SCNN1D: variants seen among roughly 807,000 people sequenced by gnomAD.
SCNN1D encodes epithelial sodium channel subunit delta.
Under a neutral mutation model 87.8 loss-of-function variants are expected in SCNN1D, and 104 were observed. The observed-to-expected ratio is 1.18, with a 90% CI of 1.01 to 1.39. The LOEUF is 1.39. Ranked by LOEUF, SCNN1D falls within the 40% of genes most tolerant of loss-of-function variation. SCNN1D has a pLI of 0.00. For missense variants in SCNN1D, 1,324 were observed against 1,093.9 expected (o/e 1.21, Z -2.97); for synonymous variants, 628 against 481.2 (o/e 1.31, Z -3.99).
At position 1,285,555 on chromosome 1, in the gene SCNN1D, A is replaced by T; in HGVS notation, c.465-16A>T. On this transcript the variant is annotated splice_polypyrimidine_tract_variant and intron_variant, in intron 5 of 17. Transcript: ENST00000379116. ...GCGGGGCGCATGGACACGCTACCGT[A>T]CTTGCCTTTGGGTAGATCGCCTGGG... 1 of 1,499,762 alleles carries T rather than the reference A, an allele frequency of 6.7e-7. No individual in the cohort carries two copies. The highest frequency in any genetic ancestry group is 8.9e-7 in the Non-Finnish European group (1 of 1,120,302). The allele number at this position is 1,499,762 out of a possible 1,614,324, so 92.9% of individuals were successfully genotyped here.
chr1:1,281,817 C>T (rs1244558033), intron 3 of SCNN1D: 13 of 602,224 alleles, frequency 2.2e-5, no homozygotes, highest in East Asian at 8.4e-5. Context: ...TTGGCTGGAC[C>T]GGGCCCCACT....
At chr1:1,285,510 C>A in intron 5 of SCNN1D, 61 bp from the exon 6 acceptor site, 1 of 1,188,196 alleles carries the variant, frequency 8.4e-7, no homozygotes, top group African/African-American at 1.6e-5. Flanking sequence ...GCAAGTCTTC[C>A]CCTGAGCCCC....
chr1:1,288,045 T>G lies in SCNN1D; in HGVS notation c.1662+8T>G. 1 of 1,204,838 alleles carries G rather than the reference T, an allele frequency of 8.3e-7. No individual in the cohort carries two copies. The highest frequency in any genetic ancestry group is 1.1e-6 in the Non-Finnish European group (1 of 924,616). 74.6% of individuals were successfully genotyped at this position (1,204,838 alleles called of 1,614,324 possible). On this transcript the variant is annotated splice_region_variant and intron_variant, in intron 12 of 17. Transcript: ENST00000379116. Reference sequence around the variant, plus strand: ...ACCTCCTACACCAGGCAGGTGAGGCTGGGCTGGCAGGGGGTGCGGGGGCAG... The same window carrying G: ...ACCTCCTACACCAGGCAGGTGAGGCGGGGCTGGCAGGGGGTGCGGGGGCAG...
intron 4 of SCNN1D, 115 bp downstream of exon 4, chr1:1,282,430 CAG>C: frequency 1.6e-6 from 2 of 1,223,834 alleles, no homozygotes; most frequent in Admixed American, 2.6e-5. Flanking sequence ...GTCAGGAACA[CAG>C]AGCCTACCCT....
At chr1:1,282,568 G>T (rs954769836) in intron 4 of SCNN1D, among the ~76,000 whole-genome samples, 1 of 149,716 alleles carries the variant, frequency 6.7e-6, no homozygotes, top group South Asian at 2.1e-4. Flanking sequence ...CCACACAACC[G>T]CACTGGGGCT....
rs532140824 is a variant in SCNN1D, at chr1:1,285,834, G to A, written c.559-92G>A. On this transcript the variant is annotated intron_variant, in intron 6 of 17. Transcript: ENST00000379116. ...GTCCGAGCGACCGAGCAGGTAGGGC[G>A]GGGCACTGGTGGCTGACAGACATGA... 31 of 1,337,162 alleles carry A rather than the reference G, an allele frequency of 2.3e-5. 1 individual carries two copies. The highest frequency in any genetic ancestry group is 4.8e-5 in the East Asian group (2 of 41,612). The allele number at this position is 1,337,162 out of a possible 1,614,324, so 82.8% of individuals were successfully genotyped here.
chr1:1,286,956 TC>T lies in SCNN1D; in HGVS notation c.1101del (p.Arg368GlufsTer197), dbSNP rs765441635. 1.2e-6 allele frequency: 2 copies of T among 1,611,158 alleles called. No homozygotes were observed. The highest frequency in any genetic ancestry group is 1.7e-6 in the Non-Finnish European group (2 of 1,179,640). On this transcript the variant is annotated frameshift_variant, in exon 8 of 18. Transcript: ENST00000379116. LOFTEE classifies it high-confidence loss of function. Reference protein sequence around the residue: ...LQRLSHSGSRVRVGFRLCNST... With the variant: ...LQRLSHSGSRXRVGFRLCNST... ...AGGCTGAGCCACTCGGGCAGCCGGG[TC>T]AGAGTGGGGTTCAGACTGGTGAGTG...
Position 1,280,607 on chromosome 1 carries a change from A to C in SCNN1D, c.-55A>C. 2 of 695,492 alleles carry C rather than the reference A, an allele frequency of 2.9e-6. No individual in the cohort carries two copies. Among genetic ancestry groups the C allele is most frequent in the Admixed American group, 4.0e-5 (2 of 49,900 alleles). 43.1% of individuals were successfully genotyped at this position (695,492 alleles called of 1,614,324 possible). On this transcript the variant is annotated 5_prime_UTR_variant, in exon 1 of 18. Coordinates refer to ENST00000379116, the MANE Select transcript of SCNN1D (RefSeq NM_001130413.4). ...ATCAACTATAAATGCTTCTCATCAG[A>C]CTCAAGGCCTGAGGTGATGCTGATG... is the stretch of plus-strand genomic sequence containing the variant.
rs1640809133 is a variant in SCNN1D, at chr1:1,291,369, T to C, written c.2168T>C (p.Val723Ala). 6.2e-7 allele frequency: 1 copy of C among 1,608,854 alleles called. No homozygotes were observed. Among genetic ancestry groups the C allele is most frequent in the African/African-American group, 1.3e-5 (1 of 74,982 alleles). Residue 723 changes from valine (V) to alanine (A), a missense_variant, in exon 18 of 18, where the codon GTG becomes GCG. Transcript: ENST00000379116. ...LLLDASALTL[V>A]LGGRRLRRAW... ...CTCGATGCTTCTGCCCTCACCCTGG[T>C]GCTAGGCGGCCGCCGGCTCCGCAGG...
intron 3 of SCNN1D, chr1:1,281,822 C>A (rs1385064170): frequency 1.7e-6 from 1 of 599,060 alleles, no homozygotes; most frequent in Admixed American, 3.1e-5. Context: ...TGGACCGGGC[C>A]CCACTGGCCG....
intron 1 of SCNN1D, 91 bp from the exon 2 acceptor site, chr1:1,281,135 G>A (rs1337517533): frequency 2.5e-6 from 3 of 1,212,110 alleles, no homozygotes; most frequent in Admixed American, 2.0e-5. Context: ...GACCCTGAGT[G>A]GGGGACGCTC....
chr1:1,291,618 C>T lies in SCNN1D; in HGVS notation c.*8C>T, dbSNP rs1570616628. 1 of 1,505,142 alleles carries T rather than the reference C, an allele frequency of 6.6e-7. No individual in the cohort carries two copies. Among genetic ancestry groups the T allele is most frequent in the Non-Finnish European group, 8.9e-7 (1 of 1,122,534 alleles). The allele number at this position is 1,505,142 out of a possible 1,614,324, so 93.2% of individuals were successfully genotyped here. ...GAGACTCTGGACACCTGAACCAGACCTGCCAGGGCTGTGCGATCTCTTGGC... is the reference window on the plus strand; with the variant it reads ...GAGACTCTGGACACCTGAACCAGACTTGCCAGGGCTGTGCGATCTCTTGGC... On this transcript the variant is annotated 3_prime_UTR_variant, in exon 18 of 18. Coordinates refer to ENST00000379116, the MANE Select transcript of SCNN1D (RefSeq NM_001130413.4).
chr1:1,285,682 T>C lies in SCNN1D; in HGVS notation c.558+18T>C. Reference sequence around the variant, plus strand: ...AGGGCCAGGTAGGGCCTGAGCACCCTGTTCTCTGAGTCCTGCTGCCCCAGC... The same window carrying C: ...AGGGCCAGGTAGGGCCTGAGCACCCCGTTCTCTGAGTCCTGCTGCCCCAGC... On this transcript the variant is annotated intron_variant, in intron 6 of 17. Coordinates refer to ENST00000379116, the MANE Select transcript of SCNN1D (RefSeq NM_001130413.4). The C allele has an allele frequency of 6.6e-7, 1 of 1,514,964 alleles. No individual in the cohort carries two copies. Among genetic ancestry groups the C allele is most frequent in the Non-Finnish European group, 8.9e-7 (1 of 1,126,624 alleles). 93.8% of individuals were successfully genotyped at this position (1,514,964 alleles called of 1,614,324 possible). A position where few individuals can be genotyped will look rare whatever the true frequency, so the allele number is the denominator to read the frequency against.
chr1:1,288,645 T>TCC (rs1440790745), intron 12 of SCNN1D, among the ~76,000 whole-genome samples: 27 of 97,434 alleles, frequency 2.8e-4, no homozygotes, highest in Admixed American at 4.6e-4. Flanking sequence ...CTCTGCCCCG[T>TCC]CCCGTGTCTC....
chr1:1,283,054 C>A (rs754830865), intron 4 of SCNN1D, among the ~76,000 whole-genome samples: 1 of 152,014 alleles, frequency 6.6e-6, no homozygotes, highest in South Asian at 2.1e-4. Flanking sequence ...GCCTGGTGGT[C>A]GTGAGTCACT....
chr1:1,288,258 C>CT (rs1553160025), intron 12 of SCNN1D, among the ~76,000 whole-genome samples: 17 of 128,196 alleles, frequency 1.3e-4, no homozygotes, highest in African/African-American at 3.5e-4. Context: ...TGCTCCGTCC[C>CT]GTGTCTCTGC....
In SCNN1D at chr1:1,281,450, A is replaced by G. The variant is rs1325854571; in HGVS notation, c.117A>G (p.Thr39=). Residue 39 remains threonine (T), a synonymous_variant, in exon 3 of 18, where the codon ACA becomes ACG. Coordinates refer to ENST00000379116, the MANE Select transcript of SCNN1D (RefSeq NM_001130413.4). ...WSWCSDHRTP[T]CRELGSPHPT... ...GGTGCAGTGACCACAGGACCCCCACATGCCGGGAGCTGGGTTCGCCCCACC... is the reference window on the plus strand; with the variant it reads ...GGTGCAGTGACCACAGGACCCCCACGTGCCGGGAGCTGGGTTCGCCCCACC... The G allele has an allele frequency of 6.6e-7, 1 of 1,519,902 alleles. No homozygotes were observed. The highest frequency in any genetic ancestry group is 1.4e-5 in the African/African-American group (1 of 72,946). The allele number at this position is 1,519,902 out of a possible 1,614,324, so 94.2% of individuals were successfully genotyped here.
At chr1:1,288,341 C>T (rs867688066) in intron 12 of SCNN1D, among the ~76,000 whole-genome samples, 1,100 of 33,116 alleles carry the variant, frequency 0.033, 67 homozygotes, top group East Asian at 0.16. Flanking sequence ...GTGTCTCTGC[C>T]CCGTCCCCCG....
intron 12 of SCNN1D, 144 bp from the exon 13 acceptor site, chr1:1,290,127 C>CTCTGCTCCGTCCCGTGTCTCTGCTCCATT: frequency 4.2e-6 from 1 of 239,464 alleles, no homozygotes; most frequent in South Asian, 6.8e-5. Flanking sequence ...TCTGCTCCGT[C>CTCTGCTCCGTCCCGTGTCTCTGCTCCATT]CCCCGTGTCT....
Sources: allele counts gnomAD v4.1 joint callset (sites outside exome capture counted in the v4.1 genomes callset), GRCh38; gene constraint gnomAD v4.1.1; transcripts MANE v1.5; gene names NCBI Gene and HGNC (gene_info 2026-07-23, HGNC 2026-07-21).